L3MBTL3: variants seen among roughly 807,000 people sequenced by gnomAD.
L3MBTL3 encodes the protein L3MBTL histone methyl-lysine binding protein 3, also known as lethal(3)malignant brain tumor-like protein 3.
Under a neutral mutation model 102.3 loss-of-function variants are expected in L3MBTL3, and 27 were observed. The observed-to-expected ratio is 0.26, with a 90% CI of 0.19 to 0.36. The LOEUF (loss-of-function observed/expected upper bound fraction) is 0.36. L3MBTL3 is among the 10% of genes least tolerant of loss of function. The pLI is 1.00. For synonymous variants in L3MBTL3, 340 were observed against 320.9 expected (o/e 1.06, Z -0.64); for missense variants, 798 against 955.3 (o/e 0.84, Z 2.17).
intron 2 of L3MBTL3, among the ~76,000 whole-genome samples, chr6:130,023,763 G>T (rs765022160): frequency 6.6e-6 from 1 of 152,192 alleles, no homozygotes; most frequent in African/African-American, 2.4e-5. Flanking sequence ...AGGGCTGGAG[G>T]TAGATTGTCT....
rs879730081 is a variant in L3MBTL3, at chr6:130,095,164, A to G, written c.1736+797A>G. 3.7e-4 allele frequency among the ~76,000 whole-genome samples: 56 copies of G among 152,226 alleles called. 1 individual carries two copies. Among genetic ancestry groups the G allele is most frequent in the African/African-American group, 1.3e-3 (52 of 41,464 alleles). On this transcript the variant is annotated intron_variant, in intron 18 of 22. Transcript: ENST00000361794. The stretch of plus-strand genomic sequence containing the variant: ...AATTTGTCGGTATAATGTTCTAACT[A>G]CATAGTAACTGGATTGCCCACTAAG...
chr6:130,084,344 GA>G (rs1237734298), intron 15 of L3MBTL3, among the ~76,000 whole-genome samples: 1 of 151,970 alleles, frequency 6.6e-6, no homozygotes. Flanking sequence ...TAACAGAAAA[GA>G]AAAATATATC....
At chr6:130,019,671 A>G (rs1203066395) in intron 1 of L3MBTL3, among the ~76,000 whole-genome samples, 5 of 150,264 alleles carry the variant, frequency 3.3e-5, no homozygotes, top group African/African-American at 1.2e-4. Context: ...TCGGCGGCCG[A>G]GAGTTTGCGT....
chr6:130,093,265 A>G (rs954636907), intron 17 of L3MBTL3, among the ~76,000 whole-genome samples: 14 of 152,174 alleles, frequency 9.2e-5, no homozygotes, highest in Non-Finnish European at 4.4e-5. Context: ...ATGTATTATT[A>G]TTTACAACTG....
intron 14 of L3MBTL3, 101 bp from the exon 15 acceptor site, chr6:130,083,519 A>T: frequency 1.8e-6 from 1 of 565,626 alleles, no homozygotes; most frequent in Non-Finnish European, 3.1e-6. Flanking sequence ...ATATGAACAT[A>T]ATTTTCTAGA....
intron 2 of L3MBTL3, among the ~76,000 whole-genome samples, chr6:130,034,573 G>C (rs1392014564): frequency 6.6e-6 from 1 of 152,176 alleles, no homozygotes; most frequent in South Asian, 2.1e-4. Context: ...TTTGTGGCTA[G>C]CCTATCGCTT....
intron 10 of L3MBTL3, among the ~76,000 whole-genome samples, chr6:130,062,411 G>T (rs796182397): frequency 3.7e-4 from 56 of 151,446 alleles, no homozygotes; most frequent in African/African-American, 1.4e-3. Flanking sequence ...CCGAGACAGG[G>T]TCCGTCTCTG....
chr6:130,068,441 G>A lies in L3MBTL3; in HGVS notation c.1092+20G>A, dbSNP rs755481305. ...AATATAGTAAGTACATACGAAACAC[G>A]TTTTCTTTCAAAGGAAGAAGTTTTT... On this transcript the variant is annotated intron_variant, in intron 12 of 22. Coordinates refer to ENST00000361794, the MANE Select transcript of L3MBTL3 (RefSeq NM_032438.4). 14 of 1,380,452 alleles carry A rather than the reference G, an allele frequency of 1.0e-5. No individual in the cohort carries two copies. Among genetic ancestry groups the A allele is most frequent in the South Asian group, 3.5e-5 (3 of 85,972 alleles). 85.5% of individuals were successfully genotyped at this position (1,380,452 alleles called of 1,614,324 possible).
At chr6:130,094,562 C>G (rs905084207) in intron 18 of L3MBTL3, among the ~76,000 whole-genome samples, 195 bp downstream of exon 18, 1 of 152,142 alleles carries the variant, frequency 6.6e-6, no homozygotes, top group Non-Finnish European at 1.5e-5. Flanking sequence ...AATGCATTCA[C>G]AGTTTAAAAT....
intron 7 of L3MBTL3, 99 bp downstream of exon 7, chr6:130,053,090 T>C: frequency 2.2e-6 from 2 of 911,784 alleles, no homozygotes; most frequent in Non-Finnish European, 1.7e-6. Flanking sequence ...AGTTCAAATG[T>C]GGGTTCCAGG....
rs919109449 is a variant in L3MBTL3, at chr6:130,141,241, A to G, written c.*1488A>G. On this transcript the variant is annotated 3_prime_UTR_variant, in exon 23 of 23. Transcript: ENST00000361794. The stretch of plus-strand genomic sequence containing the variant: ...CCTTTGATATCCCTGTTGGAAGTCC[A>G]TTAGCAGTCCTTTGCATTTGCCAAT... 1 of 152,224 alleles carries G rather than the reference A, an allele frequency of 6.6e-6. No individual in the cohort carries two copies. The highest frequency in any genetic ancestry group is 1.5e-5 in the Non-Finnish European group (1 of 68,036). 9.4% of individuals were successfully genotyped at this position (152,224 alleles called of 1,614,324 possible).
intron 10 of L3MBTL3, 67 bp from the exon 11 acceptor site, chr6:130,066,286 G>GTCTATATATATATATATA (rs1554227522): frequency 2.9e-6 from 1 of 345,374 alleles, no homozygotes; most frequent in Non-Finnish European, 4.6e-6. Context: ...TTATTTTTGT[G>GTCTATATATATATATATA]TATATATATA....
At chr6:130,123,692 A>G (rs563534986) in intron 20 of L3MBTL3, among the ~76,000 whole-genome samples, 2 of 152,176 alleles carry the variant, frequency 1.3e-5, no homozygotes, top group African/African-American at 4.8e-5. Context: ...TTATCTTTTC[A>G]AAATGGTTTT....
chr6:130,071,472 T>C (rs1052581962), intron 13 of L3MBTL3, among the ~76,000 whole-genome samples: 2 of 152,152 alleles, frequency 1.3e-5, no homozygotes, highest in Non-Finnish European at 2.9e-5. Context: ...ACAAAATATA[T>C]TGAAGAATAT....
At chr6:130,067,739 G>T (rs749465327) in intron 11 of L3MBTL3, among the ~76,000 whole-genome samples, 1 of 152,054 alleles carries the variant, frequency 6.6e-6, no homozygotes, top group Non-Finnish European at 1.5e-5. Flanking sequence ...AAGCATATTC[G>T]CAGATAAAAT....
At chr6:130,050,011 T>TA (rs1376328267) in intron 5 of L3MBTL3, among the ~76,000 whole-genome samples, 181 bp downstream of exon 5, 1 of 152,228 alleles carries the variant, frequency 6.6e-6, no homozygotes, top group Non-Finnish European at 1.5e-5. Context: ...CATATCCTGT[T>TA]ACTTATACCT....
chr6:130,057,390 C>T lies in L3MBTL3; in HGVS notation c.668-16C>T, dbSNP rs371542064. 10 of 1,592,656 alleles carry T rather than the reference C, an allele frequency of 6.3e-6. No homozygotes were observed. Among genetic ancestry groups the T allele is most frequent in the African/African-American group, 1.3e-5 (1 of 74,702 alleles). On this transcript the variant is annotated splice_polypyrimidine_tract_variant and intron_variant, in intron 8 of 22. Transcript: ENST00000361794. ...GATTTGGAAATTCTGTCATTTCCGT[C>T]TTGCTTGCCTTTCAGGTTTGCCTCC...
rs1053331859 is a variant in L3MBTL3, at chr6:130,070,973, T to A, written c.1093-3T>A. 7 of 1,612,314 alleles carry A rather than the reference T, an allele frequency of 4.3e-6. No individual in the cohort carries two copies. The highest frequency in any genetic ancestry group is 5.9e-6 in the Non-Finnish European group (7 of 1,178,988). On this transcript the variant is annotated splice_polypyrimidine_tract_variant and splice_region_variant and intron_variant, in intron 12 of 22. Coordinates refer to ENST00000361794, the MANE Select transcript of L3MBTL3 (RefSeq NM_032438.4). ...CTCTAATTAAATCTGTGTGTTTCCA[T>A]AGACAGTGATCCCATCGGGCTTTCG...
intron 20 of L3MBTL3, among the ~76,000 whole-genome samples, chr6:130,131,438 A>G (rs1195403792): frequency 6.6e-6 from 1 of 152,212 alleles, no homozygotes; most frequent in Admixed American, 6.5e-5. Flanking sequence ...ACCAAAGCTT[A>G]ATGTACACAC....
Sources: gnomAD v4.1 joint callset for allele counts (sites outside exome capture counted in the v4.1 genomes callset) on GRCh38, gnomAD v4.1.1 for gene constraint, MANE v1.5 for transcripts, NCBI Gene and HGNC (gene_info 2026-07-23, HGNC 2026-07-21) for gene names.